Variants in ATXN1 observed in about 807,000 individuals in gnomAD.
The protein encoded by ATXN1 is ataxin 1, also known as ataxin-1.
A neutral mutation model predicts 56.4 loss-of-function variants in ATXN1; 8 were observed. That is an observed-to-expected ratio of 0.14 (90% CI 0.08 to 0.26). The LOEUF (loss-of-function observed/expected upper bound fraction) is 0.26, where lower values mean the gene tolerates loss of function less well. Among genes scored for constraint, ATXN1 ranks in the 10% least tolerant of loss-of-function variants. ATXN1 has a pLI of 1.00. For missense variants in ATXN1, 987 were observed against 1,106.5 expected (o/e 0.89, Z 1.53); for synonymous variants, 514 against 494.6 (o/e 1.04, Z -0.52).
rs78509571 is a variant in ATXN1 at position 16,610,437 on chromosome 6, A to C, written c.-488-24530T>G. On this transcript the variant is annotated intron_variant, in intron 3 of 7. Coordinates refer to ENST00000436367, the MANE Select transcript of ATXN1 (RefSeq NM_001128164.2). ...TAAGCATTCAGTGAGGAGGAAAAGA[A>C]ATACAGGTAACCAGGTCACCAAGGT... Among the ~76,000 whole-genome samples the C allele has an allele frequency of 6.6e-3, 1,010 of 152,192 alleles. 12 individuals carry two copies. Among genetic ancestry groups the C allele is most frequent in the East Asian group, 0.034 (177 of 5,188 alleles).
intron 6 of ATXN1, among the ~76,000 whole-genome samples, chr6:16,483,438 A>C (rs1760478639): frequency 6.6e-6 from 1 of 152,230 alleles, no homozygotes; most frequent in South Asian, 2.1e-4. Context: ...GCAGGACACT[A>C]AACCCAGGAA....
chr6:16,613,508 T>C (rs1763151552), intron 3 of ATXN1, among the ~76,000 whole-genome samples: 1 of 151,950 alleles, frequency 6.6e-6, no homozygotes, highest in Non-Finnish European at 1.5e-5. Flanking sequence ...AAATATGTAA[T>C]ATTTGACTGT....
intron 3 of ATXN1, among the ~76,000 whole-genome samples, chr6:16,626,484 G>T (rs1487847934): frequency 1.3e-5 from 2 of 152,016 alleles, no homozygotes; most frequent in African/African-American, 2.4e-5. Flanking sequence ...TAGAGACGGG[G>T]TTTCACCATG....
intron 4 of ATXN1, among the ~76,000 whole-genome samples, chr6:16,542,165 T>C (rs1761727363): frequency 1.3e-5 from 2 of 151,784 alleles, no homozygotes; most frequent in South Asian, 2.1e-4. Context: ...ACTGCCTGAG[T>C]TGCTCTTGAG....
chr6:16,530,647 T>A (rs561696442), intron 4 of ATXN1, among the ~76,000 whole-genome samples: 77 of 152,270 alleles, frequency 5.1e-4, no homozygotes, highest in African/African-American at 1.6e-3. Flanking sequence ...AAATAACTAA[T>A]GGTTACTAGG....
intron 6 of ATXN1, among the ~76,000 whole-genome samples, chr6:16,374,576 A>G (rs765890595): frequency 6.6e-6 from 1 of 152,164 alleles, no homozygotes; most frequent in Non-Finnish European, 1.5e-5. Flanking sequence ...GTGAGCATCA[A>G]TTAAAGAGAA....
chr6:16,416,071 A>G (rs544284738), intron 6 of ATXN1, among the ~76,000 whole-genome samples: 1 of 149,394 alleles, frequency 6.7e-6, no homozygotes, highest in African/African-American at 2.5e-5. Flanking sequence ...ATTTATTCAC[A>G]AGAAGAACTA....
At position 16,454,125 on chromosome 6, in the gene ATXN1, C is replaced by CAAAAAAAAAAA. The variant is rs56277549; in HGVS notation, c.-161+31836_-161+31846dup. Among the ~76,000 whole-genome samples, 176 of 76,640 alleles carry CAAAAAAAAAAA rather than the reference C, an allele frequency of 2.3e-3. 6 individuals are homozygous for CAAAAAAAAAAA. The highest frequency in any genetic ancestry group is 3.3e-3 in the Non-Finnish European group (146 of 44,000). 50.3% of individuals were successfully genotyped at this position (76,640 alleles called of 152,430 possible). ...GGGCAATAAGAGCGAGACTCTGTCT[C>CAAAAAAAAAAA]AAAAAAAAAAAAAAAAAAAAAAAAA... On this transcript the variant is annotated intron_variant, in intron 6 of 7. Transcript: ENST00000436367.
chr6:16,731,645 A>G (rs1315257055), intron 2 of ATXN1, among the ~76,000 whole-genome samples: 1 of 151,626 alleles, frequency 6.6e-6, no homozygotes, highest in African/African-American at 2.4e-5. Context: ...CCACACTAGA[A>G]GATTACTTGA....
At chr6:16,522,747 C>A (rs1011528514) in intron 4 of ATXN1, 59 bp from the exon 5 acceptor site, 1 of 152,102 alleles carries the variant, frequency 6.6e-6, no homozygotes, top group African/African-American at 2.4e-5. Flanking sequence ...TAAATCAGTC[C>A]AAATGAGCAG....
At chr6:16,597,517 C>A (rs916160607) in intron 3 of ATXN1, among the ~76,000 whole-genome samples, 2 of 151,304 alleles carry the variant, frequency 1.3e-5, no homozygotes, top group African/African-American at 2.4e-5. Context: ...TGGCTCACTG[C>A]AGCCTCTACC....
intron 6 of ATXN1, among the ~76,000 whole-genome samples, chr6:16,463,767 C>T (rs774589734): frequency 6.6e-6 from 1 of 152,216 alleles, no homozygotes; most frequent in Non-Finnish European, 1.5e-5. Context: ...TAGAGTTGGG[C>T]AACATGGTTT....
intron 6 of ATXN1, among the ~76,000 whole-genome samples, chr6:16,454,402 A>G (rs529134172): frequency 6.6e-5 from 10 of 152,254 alleles, no homozygotes; most frequent in Non-Finnish European, 1.3e-4. Context: ...GCAGCAGCAT[A>G]ATTGCATAAA....
At chr6:16,632,333 A>G (rs1763519185) in intron 3 of ATXN1, among the ~76,000 whole-genome samples, 1 of 152,246 alleles carries the variant, frequency 6.6e-6, no homozygotes, top group Admixed American at 6.5e-5. Context: ...CAGAGCTGAC[A>G]TGAGGATGAC....
intron 6 of ATXN1, among the ~76,000 whole-genome samples, chr6:16,354,106 G>A (rs954523669): frequency 2.0e-5 from 3 of 152,230 alleles, no homozygotes; most frequent in Non-Finnish European, 2.9e-5. Flanking sequence ...CTATAGGGTC[G>A]GAGTGGGTAT....
chr6:16,457,218 G>A (rs982567491), intron 6 of ATXN1, among the ~76,000 whole-genome samples: 6 of 151,938 alleles, frequency 3.9e-5, no homozygotes, highest in African/African-American at 1.5e-4. Context: ...GAAAGGCAAG[G>A]GTGCAGGTTT....
intron 5 of ATXN1, among the ~76,000 whole-genome samples, chr6:16,486,967 T>C (rs1760559802): frequency 6.6e-6 from 1 of 152,102 alleles, no homozygotes; most frequent in Non-Finnish European, 1.5e-5. Context: ...ACTTTTTGTT[T>C]ATTTGCTGTT....
chr6:16,314,240 A>C (rs889832377), intron 7 of ATXN1, among the ~76,000 whole-genome samples: 5 of 152,232 alleles, frequency 3.3e-5, no homozygotes, highest in African/African-American at 1.2e-4. Flanking sequence ...ATCTTGTTGC[A>C]CACATCTCAA....
In ATXN1 at chr6:16,753,318, A is replaced by C. The variant is rs1210261606; in HGVS notation, c.-700T>G. ...ACAAACAAATCTGCAGCTTGAATGG[A>C]CCACCCTGGTGACTTGATGCACGAT... On this transcript the variant is annotated 5_prime_UTR_variant, in exon 2 of 8. Transcript: ENST00000436367. 2.2e-6 allele frequency: 1 copy of C among 456,930 alleles called. No individual in the cohort carries two copies. The highest frequency in any genetic ancestry group is 4.4e-6 in the Non-Finnish European group (1 of 227,038). The allele number at this position is 456,930 out of a possible 1,614,324, so 28.3% of individuals were successfully genotyped here. A position where few individuals can be genotyped will look rare whatever the true frequency, so the allele number is the denominator to read the frequency against.
Sources: gnomAD v4.1 joint callset for allele counts (sites outside exome capture counted in the v4.1 genomes callset) on GRCh38, gnomAD v4.1.1 for gene constraint, MANE v1.5 for transcripts, NCBI Gene and HGNC (gene_info 2026-07-23, HGNC 2026-07-21) for gene names.